Variants in ATG2B observed in about 807,000 individuals in gnomAD.
ATG2B encodes autophagy related 2B, also known as autophagy-related protein 2 homolog B.
A neutral mutation model predicts 241.3 loss-of-function variants in ATG2B; 121 were observed. The observed-to-expected ratio is 0.50, with a 90% CI of 0.43 to 0.58. The LOEUF is 0.58. ATG2B is among the 20% of genes least tolerant of loss of function. ATG2B has a pLI of 0.00. For missense variants in ATG2B, 2,306 were observed against 2,491.6 expected, an observed-to-expected ratio of 0.93 and a Z score of 1.59; for synonymous variants, 858 against 876.6, an observed-to-expected ratio of 0.98 and a Z score of 0.37.
At chr14:96,308,271 TATATATATA>T (rs1887047625) in intron 29 of ATG2B, among the ~76,000 whole-genome samples, 1 of 26,452 alleles carries the variant, frequency 3.8e-5, no homozygotes, top group Admixed American at 5.2e-4. Context: ...TATATATATA[TATATATATA>T]TATTTTTTTT....
intron 1 of ATG2B, among the ~76,000 whole-genome samples, chr14:96,360,809 T>C (rs1297895142): frequency 6.6e-6 from 1 of 151,912 alleles, no homozygotes; most frequent in Non-Finnish European, 1.5e-5. Flanking sequence ...AAATCAAGTA[T>C]CTGGCTGGGT....
chr14:96,315,825 T>A (rs567312091), intron 21 of ATG2B, among the ~76,000 whole-genome samples: 81 of 152,246 alleles, frequency 5.3e-4, no homozygotes, highest in African/African-American at 1.9e-3. Context: ...AATAGAAAAC[T>A]ATCACAAACA....
At chr14:96,328,805 C>A (rs75778578) in intron 12 of ATG2B, 39 bp from the exon 13 acceptor site, 1 of 1,484,768 alleles carries the variant, frequency 6.7e-7, no homozygotes. Context: ...ATGTATTAAT[C>A]ACAAGAATTT....
rs929668942 is a variant in ATG2B, at chr14:96,315,589, G to A, written c.3362-6C>T. On this transcript the variant is annotated splice_polypyrimidine_tract_variant and splice_region_variant and intron_variant, in intron 21 of 41. Transcript: ENST00000359933. The stretch of plus-strand genomic sequence containing the variant: ...AATCACTCCATTCACTATGCCTAGA[G>A]ATCCACATTGAGGTAAAAATAGTAA... 8 of 1,606,466 alleles carry A rather than the reference G, an allele frequency of 5.0e-6. No homozygotes were observed. In the African/African-American group the frequency reaches 5.4e-5, roughly 11 times the overall value.
intron 11 of ATG2B, among the ~76,000 whole-genome samples, chr14:96,330,207 A>AG (rs1369994545): frequency 6.6e-6 from 1 of 151,224 alleles, no homozygotes; most frequent in Non-Finnish European, 1.5e-5. Context: ...AGAAAAAAAA[A>AG]GGGGGGTGGA....
chr14:96,319,396 T>C (rs149286662), intron 18 of ATG2B, among the ~76,000 whole-genome samples: 23 of 152,328 alleles, frequency 1.5e-4, no homozygotes, highest in African/African-American at 5.5e-4. Flanking sequence ...AGATGCTCAG[T>C]ACATATTTAA....
At chr14:96,351,750 A>T (rs972451671) in intron 1 of ATG2B, among the ~76,000 whole-genome samples, 4 of 151,590 alleles carry the variant, frequency 2.6e-5, no homozygotes, top group African/African-American at 9.7e-5. Flanking sequence ...AAAAAAAAAA[A>T]AATTAGATGG....
At position 96,322,755 on chromosome 14, in the gene ATG2B, T is replaced by C. The variant is rs1321809333; in HGVS notation, c.2541-20A>G. 1 of 1,602,462 alleles carries C rather than the reference T, an allele frequency of 6.2e-7. No individual in the cohort carries two copies. The highest frequency in any genetic ancestry group is 8.5e-7 in the Non-Finnish European group (1 of 1,174,358). On this transcript the variant is annotated intron_variant, in intron 16 of 41. Coordinates refer to ENST00000359933, the MANE Select transcript of ATG2B (RefSeq NM_018036.7). Reference sequence around the variant, plus strand: ...ACAATTCTGATAGCAAAGACAATTTTAAAAAGACCAAGATCTAAGTGTAAA... The same window carrying C: ...ACAATTCTGATAGCAAAGACAATTTCAAAAAGACCAAGATCTAAGTGTAAA...
chr14:96,316,595 T>C lies in ATG2B; in HGVS notation c.3299A>G (p.Glu1100Gly). ...AATGTAGTGCTTGTCATCAAAACCT[T>C]CATATTTTGTCACACAAAATAATGA... ...SGSLFCVTKY[E>G]GFDDKHYICL... is the part of the protein sequence containing the mutation. The change falls in exon 21 of 42, where the codon GAA becomes GGA. Residue 1100 changes from glutamate to glycine, a missense_variant. Coordinates refer to ENST00000359933, the MANE Select transcript of ATG2B (RefSeq NM_018036.7). 6.2e-7 allele frequency: 1 copy of C among 1,613,650 alleles called. No homozygotes were observed. Among genetic ancestry groups the C allele is most frequent in the Non-Finnish European group, 8.5e-7 (1 of 1,179,790 alleles).
intron 6 of ATG2B, among the ~76,000 whole-genome samples, chr14:96,336,639 T>C (rs931577053): frequency 1.1e-4 from 16 of 152,194 alleles, no homozygotes. Context: ...TATAAAAGCA[T>C]ACAAATGTTG....
At chr14:96,308,284 T>TATGTATATATATATATA (rs1566720015) in intron 29 of ATG2B, among the ~76,000 whole-genome samples, 1 of 43,016 alleles carries the variant, frequency 2.3e-5, no homozygotes, top group Admixed American at 3.0e-4. Context: ...ATATATATAT[T>TATGTATATATATATATA]TTTTTTTTTT....
chr14:96,363,242 G>A lies in ATG2B; in HGVS notation c.-266C>T. 1 of 407,104 alleles carries A rather than the reference G, an allele frequency of 2.5e-6. No homozygotes were observed. The highest frequency in any genetic ancestry group is 4.4e-6 in the Non-Finnish European group (1 of 224,988). The allele number at this position is 407,104 out of a possible 1,614,324, so 25.2% of individuals were successfully genotyped here. A position where few individuals can be genotyped will look rare whatever the true frequency, so the allele number is the denominator to read the frequency against. On this transcript the variant is annotated 5_prime_UTR_variant, in exon 1 of 42. Coordinates refer to ENST00000359933, the MANE Select transcript of ATG2B (RefSeq NM_018036.7). ...GGGTCCCAACCGGCTCGGAGAGAGT[G>A]CAAGAGAGCGCGAGAGGAGGCGGCA...
At chr14:96,294,475 T>C (rs1442407260) in intron 36 of ATG2B, among the ~76,000 whole-genome samples, 1 of 152,188 alleles carries the variant, frequency 6.6e-6, no homozygotes, top group African/African-American at 2.4e-5. Flanking sequence ...ACAGCGGACC[T>C]GGGTCTCTTA....
chr14:96,357,522 T>TA (rs1888510468), intron 1 of ATG2B, among the ~76,000 whole-genome samples: 1 of 152,132 alleles, frequency 6.6e-6, no homozygotes, highest in African/African-American at 2.4e-5. Context: ...TAGTAAAACT[T>TA]ATTCTCTGTC....
intron 22 of ATG2B, 26 bp downstream of exon 22, chr14:96,315,357 AG>A (rs1887278849): frequency 6.2e-7 from 1 of 1,604,184 alleles, no homozygotes; most frequent in Non-Finnish European, 8.5e-7. Flanking sequence ...TCAAATCAAC[AG>A]TGGCATAAAA....
At position 96,284,482 on chromosome 14, in the gene ATG2B, C is replaced by T. The variant is rs539027982; in HGVS notation, c.*1273G>A. On this transcript the variant is annotated 3_prime_UTR_variant, in exon 42 of 42. Transcript: ENST00000359933. ...TCTGAAATTGAAGTTCAATAATATTCCCCCAACTTTAGAAAACAGGAAGTC... is the reference window on the plus strand; with the variant it reads ...TCTGAAATTGAAGTTCAATAATATTTCCCCAACTTTAGAAAACAGGAAGTC... 6.6e-6 allele frequency: 1 copy of T among 152,150 alleles called. No homozygotes were observed. The allele number at this position is 152,150 out of a possible 1,614,324, so 9.4% of individuals were successfully genotyped here. A position where few individuals can be genotyped will look rare whatever the true frequency, so the allele number is the denominator to read the frequency against.
At chr14:96,309,335 G>C in intron 29 of ATG2B, 118 bp downstream of exon 29, 3 of 1,242,290 alleles carry the variant, frequency 2.4e-6, no homozygotes, top group Non-Finnish European at 3.3e-6. Context: ...ATGATTAACA[G>C]ATATCCATAA....
chr14:96,323,567 G>A (rs141269846), intron 16 of ATG2B, among the ~76,000 whole-genome samples: 8 of 152,244 alleles, frequency 5.3e-5, no homozygotes, highest in African/African-American at 1.2e-4. Flanking sequence ...TTATTTAACC[G>A]AAGTAGATCC....
In ATG2B at chr14:96,292,083, C is replaced by T. The variant is rs200641696; in HGVS notation, c.5442G>A (p.Thr1814=). ...AATCAAGTCGAATGGGAACTTCTGA[C>T]GTGAATCTAAATTCTCTGAAGATAA... ...QPVFFREFRF[T]SEVPIRLDYH... is the part of the protein sequence containing the mutation. The change falls in exon 37 of 42, where the codon ACG becomes ACA. Residue 1814 remains threonine (T), a synonymous_variant. Transcript: ENST00000359933. 1.9e-5 allele frequency: 30 copies of T among 1,590,110 alleles called. No homozygotes were observed. The East Asian group carries it at 2.1e-4, about 11-fold the overall frequency.
Sources: gnomAD v4.1 joint callset for allele counts (sites outside exome capture counted in the v4.1 genomes callset) on GRCh38, gnomAD v4.1.1 for gene constraint, MANE v1.5 for transcripts, NCBI Gene and HGNC (gene_info 2026-07-23, HGNC 2026-07-21) for gene names.